The following SCN1A variants were observed in gnomAD, a reference collection of about 807,000 sequenced individuals.
The protein encoded by SCN1A is sodium voltage-gated channel alpha subunit 1.
A neutral mutation model predicts 193.7 loss-of-function variants in SCN1A; 13 were observed. The ratio of observed to expected loss-of-function variants is 0.07; its 90% confidence interval spans 0.04 to 0.11. The LOEUF is 0.11. Ranked by LOEUF, SCN1A falls within the 10% of genes least tolerant of loss-of-function variation. The pLI is 1.00. For missense variants in SCN1A, 1,432 were observed against 2,451.1 expected (o/e 0.58, Z 8.78); for synonymous variants, 781 against 843.6 (o/e 0.93, Z 1.29).
Position 165,992,775 on chromosome 2 carries a change from A to G in SCN1A, c.4853-353T>C, listed in dbSNP as rs1329829435. ...CCCAACAGTATAGGTACAAGTTTAT[A>G]TGTATACAGTGACTTTTTCTGAAAT... On this transcript the variant is annotated intron_variant, in intron 28 of 28. Coordinates refer to ENST00000674923, the MANE Select transcript of SCN1A (RefSeq NM_001165963.4). The surrounding 1 kb of genome is among the most constrained non-coding windows in gnomAD (Gnocchi z 6.5). 2 of 155,232 alleles carry G rather than the reference A, an allele frequency of 1.3e-5. No homozygotes were observed. Among genetic ancestry groups the G allele is most frequent in the African/African-American group, 4.8e-5 (2 of 41,476 alleles). The allele number at this position is 155,232 out of a possible 1,614,324, so 9.6% of individuals were successfully genotyped here.
chr2:166,016,377 T>C, intron 19 of SCN1A: 1 of 152,190 alleles, frequency 6.6e-6, no homozygotes, highest in East Asian at 1.9e-4. Context: ...TAAAATGAGA[T>C]AAATAGTGTG....
intron 19 of SCN1A, among the ~76,000 whole-genome samples, chr2:166,031,395 A>G (rs1695538104): frequency 6.6e-6 from 1 of 151,992 alleles, no homozygotes; most frequent in South Asian, 2.1e-4. Context: ...CAAACTACTA[A>G]TTGTCTCCAA....
At chr2:166,115,609 C>T (rs1253531531) in intron 2 of SCN1A, among the ~76,000 whole-genome samples, 2 of 152,146 alleles carry the variant, frequency 1.3e-5, no homozygotes, top group Non-Finnish European at 2.9e-5. Context: ...TTATTATATG[C>T]TTCAAGCATA....
In SCN1A at chr2:165,998,292, T is replaced by G. The variant is rs1431870878; in HGVS notation, c.4339-117A>C. 32 of 865,260 alleles carry G rather than the reference T, an allele frequency of 3.7e-5. No individual in the cohort carries two copies. The East Asian group carries it at 8.9e-4, about 24-fold the overall frequency. The allele number at this position is 865,260 out of a possible 1,614,324, so 53.6% of individuals were successfully genotyped here. On this transcript the variant is annotated intron_variant, in intron 25 of 28. Coordinates refer to ENST00000674923, the MANE Select transcript of SCN1A (RefSeq NM_001165963.4). ...TCTTACTAATATGTCAGCATTTTTT[T>G]TTTTTCTGAATCAACTACCTCTAAA...
In SCN1A at chr2:165,988,556, G is replaced by C. The variant is rs1215207513; in HGVS notation, c.*2689C>G. 1 of 152,146 alleles carries C rather than the reference G, an allele frequency of 6.6e-6. No individual in the cohort carries two copies. The highest frequency in any genetic ancestry group is 1.5e-5 in the Non-Finnish European group (1 of 68,080). 9.4% of individuals were successfully genotyped at this position (152,146 alleles called of 1,614,324 possible). A position where few individuals can be genotyped will look rare whatever the true frequency, so the allele number is the denominator to read the frequency against. On this transcript the variant is annotated 3_prime_UTR_variant, in exon 29 of 29. Transcript: ENST00000674923. ...GATTGGAGTATGACTTTTCGGGGAGGAATGAGTCCAGTGCCAACCCAGCAA... is the reference window on the plus strand; with the variant it reads ...GATTGGAGTATGACTTTTCGGGGAGCAATGAGTCCAGTGCCAACCCAGCAA...
At chr2:166,069,273 T>A (rs1300452707) in intron 4 of SCN1A, among the ~76,000 whole-genome samples, 1 of 152,194 alleles carries the variant, frequency 6.6e-6, no homozygotes, top group Non-Finnish European at 1.5e-5. Flanking sequence ...CTCTGAAGGC[T>A]TAAAACATCT....
chr2:166,103,060 A>G (rs1354235388), intron 2 of SCN1A, among the ~76,000 whole-genome samples: 1 of 140,706 alleles, frequency 7.1e-6, no homozygotes, highest in Non-Finnish European at 1.6e-5. Context: ...CTGACTTTAG[A>G]TTTGGGAGAT....
At chr2:165,985,209 G>A (rs1458884084), downstream of SCN1A, 2 of 151,736 alleles carry the variant, frequency 1.3e-5, no homozygotes, top group Admixed American at 1.3e-4. Context: ...AGGTATCTGA[G>A]AATGTAGAAA....
Position 165,987,724 on chromosome 2 carries a change from A to T in SCN1A, c.*3521T>A, listed in dbSNP as rs1559090445. On this transcript the variant is annotated 3_prime_UTR_variant, in exon 29 of 29. Transcript: ENST00000674923. ...ATGACCTCATCATTCTTTGAAGAATAATTACTTTTTAGCACAGAAAATATC... is the reference window on the plus strand; with the variant it reads ...ATGACCTCATCATTCTTTGAAGAATTATTACTTTTTAGCACAGAAAATATC... 1 of 152,164 alleles carries T rather than the reference A, an allele frequency of 6.6e-6. No homozygotes were observed. Among genetic ancestry groups the T allele is most frequent in the Non-Finnish European group, 1.5e-5 (1 of 68,030 alleles). 9.4% of individuals were successfully genotyped at this position (152,164 alleles called of 1,614,324 possible). A position where few individuals can be genotyped will look rare whatever the true frequency, so the allele number is the denominator to read the frequency against.
At chr2:166,083,652 A>G (rs1271789364) in intron 2 of SCN1A, among the ~76,000 whole-genome samples, 1 of 152,118 alleles carries the variant, frequency 6.6e-6, no homozygotes, top group East Asian at 1.9e-4. Flanking sequence ...CAGTATCATT[A>G]GGATGATTAA....
intron 4 of SCN1A, chr2:166,071,767 G>A (rs527676945): frequency 1.3e-5 from 2 of 152,354 alleles, no homozygotes; most frequent in South Asian, 4.1e-4. Flanking sequence ...GCAGGCGCCT[G>A]TAGTCCCAGC....
Position 166,135,818 on chromosome 2 carries a change from T to C in SCN1A, c.-50+13229A>G, listed in dbSNP as rs376517134. ...GATTCCTTGGAAATTTTGGGGCCCA[T>C]GAGCTCAGTTGCTGCTTCTGGGATT... On this transcript the variant is annotated intron_variant, in intron 1 of 26. Coordinates refer to the SCN1A transcript ENST00000635750. 4.4e-4 allele frequency among the ~76,000 whole-genome samples: 67 copies of C among 152,298 alleles called. 2 individuals are homozygous for C. The highest frequency in any genetic ancestry group is 1.6e-3 in the African/African-American group (67 of 41,574).
rs1167344821 is a variant in SCN1A at position 166,047,554 on chromosome 2, T to G, written c.1170+73A>C. 3 of 1,546,224 alleles carry G rather than the reference T, an allele frequency of 1.9e-6. No homozygotes were observed. The East Asian group carries it at 6.7e-5, about 35-fold the overall frequency. On this transcript the variant is annotated intron_variant, in intron 11 of 28. Transcript: ENST00000674923. Reference sequence around the variant, plus strand: ...TCTTTCTACTATATTATCATCCGGTTTTAATTTCATAACTCAATTGGTTTT... The same window carrying G: ...TCTTTCTACTATATTATCATCCGGTGTTAATTTCATAACTCAATTGGTTTT...
intron 2 of SCN1A, among the ~76,000 whole-genome samples, chr2:166,119,733 A>G (rs1187124513): frequency 6.6e-6 from 1 of 152,126 alleles, no homozygotes; most frequent in East Asian, 1.9e-4. Context: ...TTTATTATAC[A>G]AGGTTTGTGG....
chr2:166,117,963 A>AG (rs1172053909), intron 2 of SCN1A, among the ~76,000 whole-genome samples: 23 of 4,458 alleles, frequency 5.2e-3, no homozygotes, highest in African/African-American at 8.1e-3. Context: ...ACTCTGTCTC[A>AG]AAAAAAAAAA....
intron 1 of SCN1A, among the ~76,000 whole-genome samples, chr2:166,147,084 T>C (rs1211187514): frequency 2.0e-5 from 1 of 50,820 alleles, no homozygotes; most frequent in Non-Finnish European, 3.4e-5. Flanking sequence ...CCAGGACCCA[T>C]CCCTAGAGCT....
chr2:166,034,576 T>G (rs1200936020), intron 19 of SCN1A, among the ~76,000 whole-genome samples: 2 of 152,218 alleles, frequency 1.3e-5, no homozygotes, highest in Non-Finnish European at 2.9e-5. Flanking sequence ...GTAAAGGTGC[T>G]TTGTCCTAGA....
chr2:166,126,684 G>A (rs544925556), intron 2 of SCN1A, among the ~76,000 whole-genome samples: 2 of 152,284 alleles, frequency 1.3e-5, no homozygotes, highest in East Asian at 3.9e-4. Context: ...CATTTTATAG[G>A]TGTGATAGCA....
At chr2:166,118,172 G>C (rs1232278938) in intron 2 of SCN1A, among the ~76,000 whole-genome samples, 1 of 150,482 alleles carries the variant, frequency 6.6e-6, no homozygotes, top group African/African-American at 2.4e-5. Context: ...GAGTCAGGGA[G>C]AGTAAGATAA....
Sources: gnomAD v4.1 joint callset for allele counts (sites outside exome capture counted in the v4.1 genomes callset) on GRCh38, gnomAD v4.1.1 for gene constraint, Gnocchi (gnomAD v3.1) non-coding constraint, MANE v1.5 for transcripts, NCBI Gene and HGNC (gene_info 2026-07-23, HGNC 2026-07-21) for gene names.